PCSK2: variants seen among roughly 807,000 people sequenced by gnomAD.
PCSK2 encodes proprotein convertase subtilisin/kexin type 2.
In PCSK2, 14 loss-of-function variants were observed where a neutral mutation model predicts 69.7. The observed-to-expected ratio is 0.20, with a 90% CI of 0.13 to 0.31. PCSK2 has a LOEUF of 0.31. Among genes scored for constraint, PCSK2 ranks in the 10% least tolerant of loss-of-function variants. The probability of loss-of-function intolerance (pLI) is 1.00; values close to 1 mark genes in which losing one functional copy is unlikely to be tolerated. For synonymous variants in PCSK2, 307 were observed against 320.7 expected, an observed-to-expected ratio of 0.96 and a Z score of 0.46; for missense variants, 544 against 842.5, an observed-to-expected ratio of 0.65 and a Z score of 4.39.
chr20:17,250,275 T>C (rs192670508), intron 1 of PCSK2, among the ~76,000 whole-genome samples: 3 of 152,346 alleles, frequency 2.0e-5, no homozygotes, highest in Admixed American at 2.0e-4. Flanking sequence ...TTGGAAAAGT[T>C]CTGCAGCTCT....
At chr20:17,391,879 A>G (rs1005230380) in intron 5 of PCSK2, among the ~76,000 whole-genome samples, 7 of 149,574 alleles carry the variant, frequency 4.7e-5, no homozygotes, top group Non-Finnish European at 1.0e-4. Context: ...AAAGAAAGAA[A>G]AAAAGAAAGA....
intron 2 of PCSK2, among the ~76,000 whole-genome samples, chr20:17,344,922 T>C (rs1401941679): frequency 6.9e-6 from 1 of 145,020 alleles, no homozygotes; most frequent in Non-Finnish European, 1.5e-5. Context: ...GCTTTCAAAA[T>C]TACCTTTTCC....
At chr20:17,371,020 C>T (rs535671993) in intron 5 of PCSK2, among the ~76,000 whole-genome samples, 2 of 152,314 alleles carry the variant, frequency 1.3e-5, no homozygotes, top group East Asian at 1.9e-4. Flanking sequence ...CCCTCCATCT[C>T]CAGGACCCAG....
At chr20:17,440,652 G>T (rs2032576456) in intron 8 of PCSK2, among the ~76,000 whole-genome samples, 1 of 152,158 alleles carries the variant, frequency 6.6e-6, no homozygotes, top group Non-Finnish European at 1.5e-5. Flanking sequence ...CCTGAGGTCA[G>T]GAGTTCAAGA....
intron 8 of PCSK2, among the ~76,000 whole-genome samples, chr20:17,449,507 C>CATATATATGTATGTATGTATATAT: frequency 1.4e-5 from 1 of 70,326 alleles, no homozygotes; most frequent in South Asian, 7.9e-4. Flanking sequence ...TATAAATATA[C>CATATATATGTATGTATGTATATAT]ATATATATAT....
chr20:17,339,125 A>G (rs1016936572), intron 2 of PCSK2, among the ~76,000 whole-genome samples: 2 of 152,212 alleles, frequency 1.3e-5, no homozygotes, highest in African/African-American at 4.8e-5. Flanking sequence ...TTCAGACCCC[A>G]TACAACAGTT....
At chr20:17,426,233 T>A (rs968012097) in intron 6 of PCSK2, among the ~76,000 whole-genome samples, 1 of 152,132 alleles carries the variant, frequency 6.6e-6, no homozygotes, top group Admixed American at 6.5e-5. Flanking sequence ...ATCTGATGGT[T>A]TTATAAGCAT....
At chr20:17,442,394 C>T (rs1332444434) in intron 8 of PCSK2, among the ~76,000 whole-genome samples, 2 of 151,968 alleles carry the variant, frequency 1.3e-5, no homozygotes, top group Non-Finnish European at 2.9e-5. Context: ...TGTGGTCCTT[C>T]TGTAGCAGCC....
Position 17,471,680 on chromosome 20 carries a change from C to T in PCSK2, c.1430+6127C>T, listed in dbSNP as rs116733943. The stretch of plus-strand genomic sequence containing the variant: ...TCAGTGCCCTCCGGTCCCTCGTCCA[C>T]CCCCACACCAGAACTTGTTCTCAGA... On this transcript the variant is annotated intron_variant, in intron 11 of 11. Coordinates refer to ENST00000262545, the MANE Select transcript of PCSK2 (RefSeq NM_002594.5). 3.6e-3 allele frequency among the ~76,000 whole-genome samples: 544 copies of T among 152,348 alleles called. 4 individuals are homozygous for T. Among genetic ancestry groups the T allele is most frequent in the African/African-American group, 0.013 (522 of 41,576 alleles).
chr20:17,415,991 G>A (rs934274732), intron 6 of PCSK2, among the ~76,000 whole-genome samples: 12 of 152,110 alleles, frequency 7.9e-5, no homozygotes, highest in Admixed American at 5.2e-4. Context: ...GCTGAAACTC[G>A]ATCCCTTCCT....
chr20:17,237,408 C>A (rs557266989), intron 1 of PCSK2, among the ~76,000 whole-genome samples: 2 of 152,082 alleles, frequency 1.3e-5, no homozygotes, highest in Non-Finnish European at 1.5e-5. Context: ...GAAAACAAAG[C>A]GAAGTCCTAG....
At chr20:17,310,697 C>A (rs2123110828) in intron 2 of PCSK2, among the ~76,000 whole-genome samples, 1 of 150,270 alleles carries the variant, frequency 6.7e-6, no homozygotes, top group East Asian at 1.9e-4. Context: ...CCAAGTAGGC[C>A]ATCAAAAAAT....
chr20:17,420,849 T>A (rs1457472400), intron 6 of PCSK2, among the ~76,000 whole-genome samples: 1 of 152,210 alleles, frequency 6.6e-6, no homozygotes, highest in African/African-American at 2.4e-5. Flanking sequence ...TGAAGGCTTG[T>A]ACTGCGGATT....
At position 17,385,667 on chromosome 20, in the gene PCSK2, CTG is replaced by C. The variant is rs570339723; in HGVS notation, c.543+16393_543+16394del. On this transcript the variant is annotated intron_variant, in intron 5 of 11. Transcript: ENST00000262545. ...TAGCTGGGATTCCTCCAAAAGCTGA[CTG>C]TGAGACATGGATCCACAAACCAGCA... Among the ~76,000 whole-genome samples, 25 of 152,284 alleles carry C rather than the reference CTG, an allele frequency of 1.6e-4. No individual in the cohort carries two copies. The East Asian group carries it at 4.8e-3, about 29-fold the overall frequency.
chr20:17,231,938 T>A (rs896724207), intron 1 of PCSK2, among the ~76,000 whole-genome samples: 1 of 152,158 alleles, frequency 6.6e-6, no homozygotes, highest in African/African-American at 2.4e-5. Context: ...CTCTCACACC[T>A]CACCCTTCAA....
intron 2 of PCSK2, among the ~76,000 whole-genome samples, chr20:17,303,232 T>C (rs1006885325): frequency 1.6e-4 from 23 of 142,080 alleles, no homozygotes; most frequent in Non-Finnish European, 2.4e-4. Context: ...ATCTATTTCA[T>C]ATATTATAGA....
chr20:17,350,955 G>A (rs546202249), intron 2 of PCSK2, among the ~76,000 whole-genome samples: 27 of 151,550 alleles, frequency 1.8e-4, no homozygotes, highest in African/African-American at 5.1e-4. Context: ...CAAGAGAATC[G>A]CTTGAACCTG....
intron 5 of PCSK2, among the ~76,000 whole-genome samples, chr20:17,387,002 C>A (rs887241347): frequency 4.6e-5 from 7 of 152,096 alleles, no homozygotes; most frequent in Admixed American, 4.6e-4. Context: ...CTCTGTCCAG[C>A]TAGATGTTAA....
chr20:17,452,076 C>T (rs1222584238), intron 8 of PCSK2, among the ~76,000 whole-genome samples: 1 of 151,994 alleles, frequency 6.6e-6, no homozygotes, highest in Non-Finnish European at 1.5e-5. Flanking sequence ...GACAGGGTTT[C>T]ACCATGTTGG....
Sources: gnomAD v4.1 joint callset for allele counts (sites outside exome capture counted in the v4.1 genomes callset) on GRCh38, gnomAD v4.1.1 for gene constraint, MANE v1.5 for transcripts, NCBI Gene and HGNC (gene_info 2026-07-23, HGNC 2026-07-21) for gene names.